PPM1B: variants seen among roughly 807,000 people sequenced by gnomAD.
PPM1B encodes the protein protein phosphatase, Mg2+/Mn2+ dependent 1B, also known as protein phosphatase 1B.
PPM1B carries 22 observed loss-of-function variants against 43.0 expected under a neutral mutation model. That is an observed-to-expected ratio of 0.51 (90% CI 0.37 to 0.73). PPM1B has a LOEUF of 0.73. Among genes scored for constraint, PPM1B ranks in the 30% least tolerant of loss-of-function variants. The probability of loss-of-function intolerance (pLI) is 0.00; values close to 1 mark genes in which losing one functional copy is unlikely to be tolerated. For synonymous variants in PPM1B, 217 were observed against 197.9 expected (o/e 1.10, Z -0.81); for missense variants, 632 against 584.2 (o/e 1.08, Z -0.84).
intron 5 of PPM1B, chr2:44,230,025 G>C (rs1670400043): frequency 6.3e-7 from 1 of 1,591,638 alleles, no homozygotes; most frequent in Non-Finnish European, 8.6e-7. Flanking sequence ...CTGATGGCCT[G>C]CTTTTCTGTC....
At chr2:44,243,401 A>G (rs1423109893) in intron 5 of PPM1B, among the ~76,000 whole-genome samples, 1 of 152,194 alleles carries the variant, frequency 6.6e-6, no homozygotes, top group African/African-American at 2.4e-5. Flanking sequence ...TACATTCAAA[A>G]TTTTCAGAAT....
chr2:44,181,857 G>A (rs1221127954), intron 1 of PPM1B, among the ~76,000 whole-genome samples: 2 of 152,178 alleles, frequency 1.3e-5, no homozygotes, highest in Non-Finnish European at 2.9e-5. Context: ...TTGCATCAGA[G>A]GGCAGATACT....
chr2:44,229,865 T>C, intron 5 of PPM1B: 7 of 832,726 alleles, frequency 8.4e-6, no homozygotes, highest in Non-Finnish European at 1.3e-5. Context: ...TTTATTTTTA[T>C]CTAGAGATGT....
At chr2:44,233,251 A>AGTAT (rs1441348872), downstream of PPM1B, 106 of 891,516 alleles carry the variant, frequency 1.2e-4, 1 homozygote, top group Admixed American at 6.5e-3. Flanking sequence ...AGAATATCAC[A>AGTAT]TTGAAATTAC....
At chr2:44,208,186 T>C (rs17039151) in intron 2 of PPM1B, among the ~76,000 whole-genome samples, 39,459 of 151,730 alleles carry the variant, frequency 0.26, 6,266 homozygotes, top group African/African-American at 0.46. Flanking sequence ...CCGTGCCCAG[T>C]GTATGCTTCC....
rs1255667469 is a variant in PPM1B at position 44,168,931 on chromosome 2, G to A, written c.-358G>A. ...GCGGAAAAGCCGCCGGTGCTCTGAC[G>A]GCCTCGTTCCCCTAGCAGTTGCGGG... is the stretch of plus-strand genomic sequence containing the variant. On this transcript the variant is annotated 5_prime_UTR_variant, in exon 1 of 6. Transcript: ENST00000282412. 6.5e-6 allele frequency: 1 copy of A among 153,570 alleles called. No individual in the cohort carries two copies. Among genetic ancestry groups the A allele is most frequent in the Non-Finnish European group, 1.5e-5 (1 of 68,334 alleles). The allele number at this position is 153,570 out of a possible 1,614,324, so 9.5% of individuals were successfully genotyped here. A position where few individuals can be genotyped will look rare whatever the true frequency, so the allele number is the denominator to read the frequency against.
At chr2:44,213,813 A>C (rs1179187082) in intron 3 of PPM1B, 1 of 152,194 alleles carries the variant, frequency 6.6e-6, no homozygotes, top group East Asian at 1.9e-4. Context: ...TGATAATATC[A>C]TTAAGAGGAG....
chr2:44,203,408 T>G (rs1050775896), intron 2 of PPM1B, among the ~76,000 whole-genome samples: 3 of 152,110 alleles, frequency 2.0e-5, no homozygotes, highest in African/African-American at 7.2e-5. Flanking sequence ...TGTAGATTTT[T>G]GAGACAAGCA....
intron 5 of PPM1B, among the ~76,000 whole-genome samples, chr2:44,227,278 A>G (rs945246332): frequency 9.9e-5 from 15 of 152,150 alleles, no homozygotes; most frequent in Middle Eastern, 6.8e-3. Context: ...CCTGGATGAG[A>G]AACTTTATTT....
chr2:44,196,322 C>T lies in PPM1B; in HGVS notation c.-14-4864C>T, dbSNP rs114530475. Among the ~76,000 whole-genome samples the T allele has an allele frequency of 2.9e-3, 443 of 152,182 alleles. 1 individual carries two copies. The highest frequency in any genetic ancestry group is 0.01 in the African/African-American group (426 of 41,516). On this transcript the variant is annotated intron_variant, in intron 1 of 5. Transcript: ENST00000282412. ...CTGGTCAGATATTTTGTAGGATATC[C>T]TTCTATTGGAGTTTCTCTAATGCTT...
At chr2:44,176,526 C>T (rs1458198797) in intron 1 of PPM1B, among the ~76,000 whole-genome samples, 3 of 152,236 alleles carry the variant, frequency 2.0e-5, no homozygotes, top group East Asian at 1.9e-4. Flanking sequence ...TACTTAACGT[C>T]GTGCCTTTGT....
rs1044504466 is a variant in PPM1B at position 44,231,428 on chromosome 2, A to G, written c.*710A>G. Reference sequence around the variant, plus strand: ...TCAACCAAGTGTTTAGAATGAAATTATAAGTGTTTAAGTCCAAATAAAGCA... The same window carrying G: ...TCAACCAAGTGTTTAGAATGAAATTGTAAGTGTTTAAGTCCAAATAAAGCA... On this transcript the variant is annotated 3_prime_UTR_variant, in exon 6 of 6. Transcript: ENST00000282412. The G allele has an allele frequency of 3.1e-6, 3 of 974,462 alleles. No homozygotes were observed. The highest frequency in any genetic ancestry group is 3.5e-5 in the African/African-American group (2 of 56,964). 60.4% of individuals were successfully genotyped at this position (974,462 alleles called of 1,614,324 possible). A position where few individuals can be genotyped will look rare whatever the true frequency, so the allele number is the denominator to read the frequency against.
downstream of PPM1B, chr2:44,232,325 G>T (rs1214048221): frequency 6.2e-7 from 1 of 1,605,780 alleles, no homozygotes; most frequent in Non-Finnish European, 8.5e-7. Context: ...GGGTGCTGGA[G>T]ATCTAGAAGA....
At chr2:44,184,186 C>T (rs891998033) in intron 1 of PPM1B, among the ~76,000 whole-genome samples, 4 of 152,190 alleles carry the variant, frequency 2.6e-5, no homozygotes, top group Non-Finnish European at 5.9e-5. Flanking sequence ...CCTGTAAATA[C>T]GTTGAAACAA....
chr2:44,175,323 G>T (rs148092421), intron 1 of PPM1B, among the ~76,000 whole-genome samples: 136 of 152,186 alleles, frequency 8.9e-4, no homozygotes, highest in African/African-American at 3.0e-3. Flanking sequence ...TTATATAGGA[G>T]ATTTTGTTGA....
intron 5 of PPM1B, among the ~76,000 whole-genome samples, chr2:44,220,537 A>T (rs1178575000): frequency 6.6e-6 from 1 of 152,230 alleles, no homozygotes; most frequent in Non-Finnish European, 1.5e-5. Context: ...CTTTATACAT[A>T]AATGTTCTAT....
At chr2:44,224,372 G>C (rs1239599621) in intron 5 of PPM1B, among the ~76,000 whole-genome samples, 1 of 150,476 alleles carries the variant, frequency 6.6e-6, no homozygotes, top group African/African-American at 2.4e-5. Context: ...GGAGAATGGC[G>C]TGAACCCGGG....
chr2:44,180,903 G>A (rs552049230), intron 1 of PPM1B, among the ~76,000 whole-genome samples: 11 of 152,186 alleles, frequency 7.2e-5, no homozygotes, highest in African/African-American at 2.6e-4. Context: ...TTTTATAGGA[G>A]TGGTGAGATG....
intron 1 of PPM1B, among the ~76,000 whole-genome samples, chr2:44,173,277 A>G (rs922534437): frequency 6.6e-6 from 1 of 152,270 alleles, no homozygotes; most frequent in Non-Finnish European, 1.5e-5. Context: ...CAAAAGTGTA[A>G]TCTATATAGT....
Sources: gnomAD v4.1 joint callset for allele counts (sites outside exome capture counted in the v4.1 genomes callset) on GRCh38, gnomAD v4.1.1 for gene constraint, MANE v1.5 for transcripts, NCBI Gene and HGNC (gene_info 2026-07-23, HGNC 2026-07-21) for gene names.